The following SRGAP2B variants were observed in gnomAD, a reference collection of about 807,000 sequenced individuals.
The protein encoded by SRGAP2B is SLIT-ROBO Rho GTPase activating protein 2B.
In SRGAP2B, 9 loss-of-function variants were observed where a neutral mutation model predicts 22.2. That is an observed-to-expected ratio of 0.41 (90% CI 0.24 to 0.71). The LOEUF (loss-of-function observed/expected upper bound fraction) is 0.71, where lower values mean the gene tolerates loss of function less well. Among genes scored for constraint, SRGAP2B ranks in the 30% least tolerant of loss-of-function variants. SRGAP2B has a pLI of 0.35. For synonymous variants in SRGAP2B, 36 were observed against 87.4 expected, an observed-to-expected ratio of 0.41 and a Z score of 3.28; for missense variants, 114 against 235.8, an observed-to-expected ratio of 0.48 and a Z score of 3.38.
At chr1:144,992,073 G>A (rs1670287408) in intron 3 of SRGAP2B, among the ~76,000 whole-genome samples, 1 of 150,024 alleles carries the variant, frequency 6.7e-6, no homozygotes, top group Non-Finnish European at 1.5e-5. Flanking sequence ...TGAGCCCAGC[G>A]AGACCACAAG....
At chr1:145,083,170 G>A (rs1571160374) in intron 2 of SRGAP2B, among the ~76,000 whole-genome samples, 1 of 145,070 alleles carries the variant, frequency 6.9e-6, no homozygotes, top group African/African-American at 2.8e-5. Context: ...TCCCGCACAG[G>A]GGAGCAGGGA....
chr1:144,939,378 C>T lies in SRGAP2B; in HGVS notation c.423+16061G>A, dbSNP rs1453425829. ...AATAACATCGGCCCAATTCTTTCCC[C>T]TCTATGAAGCTCTCCTGACTTACTT... On this transcript the variant is annotated intron_variant, in intron 4 of 9. Transcript: ENST00000612199. Among the ~76,000 whole-genome samples, 2 of 150,580 alleles carry T rather than the reference C, an allele frequency of 1.3e-5. 1 individual carries two copies. Among genetic ancestry groups the T allele is most frequent in the Non-Finnish European group, 2.9e-5 (2 of 67,956 alleles).
intron 2 of SRGAP2B, among the ~76,000 whole-genome samples, chr1:145,091,290 AAATGC>A (rs1178296459): frequency 2.8e-5 from 1 of 35,132 alleles, no homozygotes; most frequent in Admixed American, 3.8e-4. Context: ...TTCCAAGAGC[AAATGC>A]AATGCATCTG....
At chr1:144,965,105 G>GAA in intron 3 of SRGAP2B, 1 of 1,300,936 alleles carries the variant, frequency 7.7e-7, no homozygotes, top group Non-Finnish European at 1.1e-6. Flanking sequence ...AAGGATGCTT[G>GAA]GATTGTCTGC....
At chr1:144,926,916 A>T (rs1197610704) in intron 4 of SRGAP2B, among the ~76,000 whole-genome samples, 1 of 151,356 alleles carries the variant, frequency 6.6e-6, no homozygotes, top group Non-Finnish European at 1.5e-5. Context: ...TGTTGTTTTT[A>T]ACAGTGATTA....
intron 2 of SRGAP2B, among the ~76,000 whole-genome samples, chr1:145,017,365 A>G (rs1215043159): frequency 6.9e-6 from 1 of 145,802 alleles, no homozygotes; most frequent in Non-Finnish European, 1.5e-5. Flanking sequence ...ATTTTTTGAC[A>G]TTAGAATACT....
chr1:145,044,750 G>A (rs1272594223), intron 2 of SRGAP2B, among the ~76,000 whole-genome samples: 2 of 124,216 alleles, frequency 1.6e-5, no homozygotes, highest in Non-Finnish European at 3.2e-5. Context: ...TTAGGGTTTA[G>A]GCAAGGCTTC....
chr1:144,925,100 T>G lies in SRGAP2B; in HGVS notation c.424-10346A>C, dbSNP rs1570753125. On this transcript the variant is annotated intron_variant, in intron 4 of 9. Transcript: ENST00000612199. ...TCACTGCAACCTCCGCCTCCTGGGT[T>G]CAAGTGATTCCCCTGCCTCAGCCTC... Among the ~76,000 whole-genome samples the G allele has an allele frequency of 2.0e-5, 3 of 149,090 alleles. No homozygotes were observed. In the South Asian group the frequency reaches 6.3e-4, roughly 31 times the overall value.
chr1:144,951,164 G>GT (rs1666828717), intron 4 of SRGAP2B, among the ~76,000 whole-genome samples: 1 of 149,296 alleles, frequency 6.7e-6, no homozygotes, highest in African/African-American at 2.5e-5. Flanking sequence ...TTTGTTTTTT[G>GT]TTTTTTGTTT....
intron 2 of SRGAP2B, among the ~76,000 whole-genome samples, chr1:145,058,654 C>T (rs1650667638): frequency 1.2e-5 from 1 of 85,736 alleles, no homozygotes; most frequent in Non-Finnish European, 2.3e-5. Context: ...GACGTTGTCT[C>T]ACTCTGTTGC....
At chr1:145,017,210 A>T (rs1672490023) in intron 2 of SRGAP2B, among the ~76,000 whole-genome samples, 1 of 148,054 alleles carries the variant, frequency 6.8e-6, no homozygotes, top group Admixed American at 6.7e-5. Context: ...GATTACAGGC[A>T]TGAGCCACCG....
At chr1:144,930,765 T>C (rs1384053537) in intron 4 of SRGAP2B, among the ~76,000 whole-genome samples, 1 of 148,352 alleles carries the variant, frequency 6.7e-6, no homozygotes, top group Non-Finnish European at 1.5e-5. Context: ...TTCTCCTTCA[T>C]GATATGTCTG....
chr1:145,009,416 G>A (rs1671871623), intron 2 of SRGAP2B, among the ~76,000 whole-genome samples: 3 of 147,616 alleles, frequency 2.0e-5, no homozygotes, highest in Non-Finnish European at 4.5e-5. Flanking sequence ...GTGAAACCCC[G>A]TCTCTACTAA....
At chr1:144,920,709 T>C (rs1376551978) in intron 4 of SRGAP2B, among the ~76,000 whole-genome samples, 2 of 150,192 alleles carry the variant, frequency 1.3e-5, no homozygotes, top group Non-Finnish European at 2.9e-5. Flanking sequence ...CTTTTCTATT[T>C]TTTTATATTG....
chr1:144,988,147 TA>T (rs1459515505), intron 3 of SRGAP2B, among the ~76,000 whole-genome samples: 1 of 135,518 alleles, frequency 7.4e-6, no homozygotes, highest in Non-Finnish European at 1.5e-5. Flanking sequence ...GACTTCTGTA[TA>T]CACTTTTAGG....
At chr1:144,925,255 T>C (rs1664577497) in intron 4 of SRGAP2B, among the ~76,000 whole-genome samples, 1 of 149,556 alleles carries the variant, frequency 6.7e-6, no homozygotes, top group South Asian at 2.1e-4. Flanking sequence ...TCTGCCTGCC[T>C]CGGCCTCCGA....
At chr1:144,897,748 A>G (rs1451670634) in intron 7 of SRGAP2B, among the ~76,000 whole-genome samples, 1 of 148,770 alleles carries the variant, frequency 6.7e-6, no homozygotes, top group East Asian at 1.9e-4. Context: ...TTAAATCACT[A>G]TATAGCAACC....
Position 144,934,422 on chromosome 1 carries a change from A to G in SRGAP2B, c.424-19668T>C, listed in dbSNP as rs1314509131. ...CCATCTCAAAAAAAAAAAAAAAAAAAAAAAGAGCAACCCAGAGGTTATATA... is the reference window on the plus strand; with the variant it reads ...CCATCTCAAAAAAAAAAAAAAAAAAGAAAAGAGCAACCCAGAGGTTATATA... On this transcript the variant is annotated intron_variant, in intron 4 of 9. Coordinates refer to ENST00000612199, the Ensembl canonical transcript of SRGAP2B. Among the ~76,000 whole-genome samples the G allele has an allele frequency of 2.0e-5, 3 of 148,604 alleles. No homozygotes were observed. In the East Asian group the frequency reaches 5.8e-4, roughly 29 times the overall value.
At chr1:145,021,756 G>A (rs1388501136) in intron 2 of SRGAP2B, among the ~76,000 whole-genome samples, 5 of 148,802 alleles carry the variant, frequency 3.4e-5, no homozygotes, top group East Asian at 2.0e-4. Flanking sequence ...AGAGGTTGCC[G>A]TGAGCCAAGG....
Sources: gnomAD v4.1 joint callset for allele counts (sites outside exome capture counted in the v4.1 genomes callset) on GRCh38, gnomAD v4.1.1 for gene constraint, MANE v1.5 for transcripts, NCBI Gene and HGNC (gene_info 2026-07-23, HGNC 2026-07-21) for gene names.